Variants in SLC25A48 observed in about 807,000 individuals in gnomAD.
The protein encoded by SLC25A48 is CTC-321K16.1.
Under a neutral mutation model 32.2 loss-of-function variants are expected in SLC25A48, and 29 were observed. The observed-to-expected ratio is 0.90, with a 90% CI of 0.67 to 1.23. SLC25A48 has a LOEUF of 1.23. Among genes scored for constraint, SLC25A48 ranks in the 50% most tolerant of loss-of-function variants. The pLI is 0.00. For synonymous variants in SLC25A48, 164 were observed against 172.3 expected, an observed-to-expected ratio of 0.95 and a Z score of 0.38; for missense variants, 399 against 422.7, an observed-to-expected ratio of 0.94 and a Z score of 0.49.
intron 3 of SLC25A48, among the ~76,000 whole-genome samples, chr5:135,765,892 T>G (rs62365702): frequency 6.6e-6 from 1 of 151,246 alleles, no homozygotes; most frequent in African/African-American, 2.4e-5. Context: ...GCATACACCC[T>G]CCTGTGTTAT....
chr5:135,859,277 C>T (rs560309871), intron 4 of SLC25A48, among the ~76,000 whole-genome samples: 27 of 152,138 alleles, frequency 1.8e-4, no homozygotes, highest in African/African-American at 5.1e-4. Context: ...AGCAAAGTCA[C>T]GTCTTACATG....
At chr5:135,835,678 T>TAAAAAAAAAA (rs35114794) in intron 1 of SLC25A48, among the ~76,000 whole-genome samples, 25 of 70,386 alleles carry the variant, frequency 3.6e-4, no homozygotes, top group African/African-American at 1.4e-3. Context: ...TTGCTAATTG[T>TAAAAAAAAAA]AAAAAAAAAA....
At chr5:135,789,036 G>T (rs1425264374) in intron 3 of SLC25A48, among the ~76,000 whole-genome samples, 1 of 151,580 alleles carries the variant, frequency 6.6e-6, no homozygotes, top group Non-Finnish European at 1.5e-5. Context: ...CCCATGTGTT[G>T]GGGGATGTAC....
intron 3 of SLC25A48, among the ~76,000 whole-genome samples, chr5:135,750,945 C>T (rs749582336): frequency 1.1e-4 from 17 of 152,296 alleles, no homozygotes; most frequent in Non-Finnish European, 1.5e-4. Flanking sequence ...GGTTGACCCA[C>T]GGGAGGTAAA....
chr5:135,723,541 C>G (rs1453327623), intron 3 of SLC25A48, among the ~76,000 whole-genome samples: 1 of 86,534 alleles, frequency 1.2e-5, no homozygotes, highest in African/African-American at 3.8e-5. Context: ...TTTTTTTTCA[C>G]TAAAAAAAAA....
chr5:135,856,631 A>G (rs1245010832), intron 4 of SLC25A48, among the ~76,000 whole-genome samples: 1 of 152,232 alleles, frequency 6.6e-6, no homozygotes, highest in East Asian at 1.9e-4. Context: ...GACGCAGGAA[A>G]ACAAATGGGG....
chr5:135,651,179 T>C (rs556283448), intron 3 of SLC25A48, among the ~76,000 whole-genome samples: 4 of 152,132 alleles, frequency 2.6e-5, no homozygotes, highest in Non-Finnish European at 5.9e-5. Context: ...CAGGCTTAGG[T>C]CCTGAGAGCA....
intron 7 of SLC25A48, chr5:135,882,957 T>C (rs1762585246): frequency 2.5e-6 from 2 of 795,548 alleles, no homozygotes; most frequent in Admixed American, 6.2e-5. Flanking sequence ...ACTTTGCCTC[T>C]TACTGCTTCA....
At chr5:135,788,252 G>T (rs555223751) in intron 3 of SLC25A48, among the ~76,000 whole-genome samples, 1 of 151,644 alleles carries the variant, frequency 6.6e-6, no homozygotes, top group East Asian at 2.0e-4. Context: ...ATGGGGAGAG[G>T]GTGATATTAT....
chr5:135,767,139 T>C (rs1048521457), intron 3 of SLC25A48, among the ~76,000 whole-genome samples: 3 of 151,064 alleles, frequency 2.0e-5, no homozygotes, highest in African/African-American at 7.3e-5. Flanking sequence ...TTTGTAATAT[T>C]TAGGGGGGCA....
intron 1 of SLC25A48, among the ~76,000 whole-genome samples, chr5:135,617,961 G>C (rs1312000474): frequency 2.6e-5 from 4 of 151,976 alleles, no homozygotes; most frequent in Admixed American, 2.0e-4. Context: ...GTTTAAGTTT[G>C]ATGTTTCTTT....
At chr5:135,787,698 C>T (rs4457068) in intron 3 of SLC25A48, among the ~76,000 whole-genome samples, 37,066 of 151,590 alleles carry the variant, frequency 0.24, 4,960 homozygotes, top group East Asian at 0.43. Context: ...GGGGTGTACA[C>T]TGTGATATTA....
chr5:135,859,207 T>C (rs142782402), intron 4 of SLC25A48, among the ~76,000 whole-genome samples: 2 of 152,266 alleles, frequency 1.3e-5, no homozygotes, highest in African/African-American at 2.4e-5. Context: ...AGAGGTTTAA[T>C]TGACTCACAG....
intron 3 of SLC25A48, among the ~76,000 whole-genome samples, chr5:135,697,265 G>A (rs1183104056): frequency 1.3e-5 from 2 of 150,934 alleles, no homozygotes; most frequent in Non-Finnish European, 3.0e-5. Context: ...GTCACCTTAG[G>A]TAATGGTTCC....
chr5:135,772,303 AC>A (rs1293514034), intron 3 of SLC25A48, among the ~76,000 whole-genome samples: 2 of 150,870 alleles, frequency 1.3e-5, no homozygotes, highest in Non-Finnish European at 3.0e-5. Context: ...GGTAGTGTAC[AC>A]CCCAATGTAA....
intron 3 of SLC25A48, among the ~76,000 whole-genome samples, chr5:135,720,290 C>G (rs559936613): frequency 5.3e-5 from 8 of 151,982 alleles, no homozygotes; most frequent in Non-Finnish European, 1.0e-4. Context: ...TGCCAGGGCC[C>G]GGAAGGGTGC....
chr5:135,665,308 T>C (rs1580767279), intron 3 of SLC25A48, among the ~76,000 whole-genome samples: 2 of 152,324 alleles, frequency 1.3e-5, no homozygotes, highest in African/African-American at 4.8e-5. Flanking sequence ...GAGTTCCTTG[T>C]AGATTCTGGA....
chr5:135,630,208 C>T (rs1752524376), intron 2 of SLC25A48, among the ~76,000 whole-genome samples: 1 of 152,128 alleles, frequency 6.6e-6, no homozygotes. Context: ...GGAGGGTACC[C>T]CTGGGCTCAG....
chr5:135,732,841 A>T (rs1044898242), intron 3 of SLC25A48, among the ~76,000 whole-genome samples: 1 of 152,202 alleles, frequency 6.6e-6, no homozygotes, highest in Non-Finnish European at 1.5e-5. Context: ...CGTGAGGGAT[A>T]GAAGTTGGAA....
Sources: allele counts gnomAD v4.1 joint callset (sites outside exome capture counted in the v4.1 genomes callset), GRCh38; gene constraint gnomAD v4.1.1; transcripts MANE v1.5; gene names NCBI Gene and HGNC (gene_info 2026-07-23, HGNC 2026-07-21).